Variants in CYP2B6 observed in about 807,000 individuals in gnomAD.
CYP2B6 encodes cytochrome P450 family 2 subfamily B member 6, also known as cytochrome P450 2B6.
CYP2B6 carries 35 observed loss-of-function variants against 43.4 expected under a neutral mutation model. That is an observed-to-expected ratio of 0.81 (90% CI 0.62 to 1.07). CYP2B6 has a LOEUF of 1.07. Among genes scored for constraint, CYP2B6 ranks in the 50% least tolerant of loss-of-function variants. CYP2B6 has a pLI of 0.00. For synonymous variants in CYP2B6, 239 were observed against 239.2 expected (o/e 1.00, Z 0.01); for missense variants, 624 against 632.8 (o/e 0.99, Z 0.15).
At chr19:41,009,838 AC>A in intron 5 of CYP2B6, 155 bp from the exon 6 acceptor site, 1 of 732,270 alleles carries the variant, frequency 1.4e-6, no homozygotes, top group Non-Finnish European at 2.4e-6. Flanking sequence ...AGTTAGAGAT[AC>A]GCGGTTGGAT....
At position 41,010,212 on chromosome 19, in the gene CYP2B6, T is replaced by C. The variant is rs1969259469; in HGVS notation, c.964+77T>C. 2.6e-6 allele frequency: 4 copies of C among 1,559,350 alleles called. No individual in the cohort carries two copies. The Admixed American group carries it at 5.0e-5, about 20-fold the overall frequency. Reference sequence around the variant, plus strand: ...CAGAAATGGGGCTATGGGTACCACCTGGATGAGAGAGGGGATGCTGGCTTC... The same window carrying C: ...CAGAAATGGGGCTATGGGTACCACCCGGATGAGAGAGGGGATGCTGGCTTC... On this transcript the variant is annotated intron_variant, in intron 6 of 8. Coordinates refer to ENST00000324071, the MANE Select transcript of CYP2B6 (RefSeq NM_000767.5).
chr19:41,004,583 G>GAT, intron 3 of CYP2B6, 137 bp downstream of exon 3: 1 of 980,978 alleles, frequency 1.0e-6, no homozygotes, highest in Non-Finnish European at 1.6e-6. Flanking sequence ...CAGACAGAGG[G>GAT]ATAGAGACAG....
Position 41,004,110 on chromosome 19 carries a change from C to A in CYP2B6, c.281C>A (p.Ala94Asp), listed in dbSNP as rs1456334362. Residue 94 changes from alanine (A) to aspartate (D), a missense_variant, in exon 2 of 9, where the codon GCC (alanine) becomes GAC (aspartate). Ala to Asp is a moderately radical substitution (Grantham distance 126, BLOSUM62 -2). Transcript: ENST00000324071. ...IREALVDKAE[A>D]FSGRGKIAMV... is the part of the protein sequence containing the mutation. ...GAGGCCCTTGTGGACAAGGCTGAGG[C>A]CTTCTCTGGCCGGGGAAAAATCGCC... 6.2e-7 allele frequency: 1 copy of A among 1,605,414 alleles called. No homozygotes were observed. The highest frequency in any genetic ancestry group is 1.1e-5 in the South Asian group (1 of 90,868).
chr19:41,004,266 A>G lies in CYP2B6; in HGVS notation c.335-31A>G, dbSNP rs202085737. 376 of 1,613,708 alleles carry G rather than the reference A, an allele frequency of 2.3e-4. No individual in the cohort carries two copies. In the African/African-American group the frequency reaches 4.1e-3, roughly 17 times the overall value. ...TCAGAGCCTTCTTCCAACTTCTTCT[A>G]CAACCAACCCACACCTCCCCTGCAC... On this transcript the variant is annotated intron_variant, in intron 2 of 8. Coordinates refer to ENST00000324071, the MANE Select transcript of CYP2B6 (RefSeq NM_000767.5).
At chr19:41,004,532 A>T in intron 3 of CYP2B6, 86 bp downstream of exon 3, 1 of 1,490,152 alleles carries the variant, frequency 6.7e-7, no homozygotes, top group Non-Finnish European at 9.2e-7. Flanking sequence ...AGAGAGGTAT[A>T]TAAGGGCACA....
chr19:41,016,784 G>A lies in CYP2B6; in HGVS notation c.1433G>A (p.Gly478Asp), dbSNP rs1969376104. The A allele has an allele frequency of 6.2e-7, 1 of 1,614,168 alleles. No individual in the cohort carries two copies. Among genetic ancestry groups the A allele is most frequent in the Non-Finnish European group, 8.5e-7 (1 of 1,180,030 alleles). The change falls in exon 9 of 9, where the codon GGC becomes GAC. Residue 478 changes from glycine (G) to aspartate (D), a missense_variant. Transcript: ENST00000324071. ...CTGACACCCCAGGAGTGTGGTGTGGGCAAAATACCCCCAACATACCAGATC... is the reference window on the plus strand; with the variant it reads ...CTGACACCCCAGGAGTGTGGTGTGGACAAAATACCCCCAACATACCAGATC... ...IDLTPQECGV[G>D]KIPPTYQIRF...
At chr19:41,015,428 A>C (rs1969346100) in intron 8 of CYP2B6, among the ~76,000 whole-genome samples, 1 of 152,222 alleles carries the variant, frequency 6.6e-6, no homozygotes, top group Non-Finnish European at 1.5e-5. Flanking sequence ...ACACTTGTCC[A>C]ACAACTTGAC....
intron 2 of CYP2B6, 31 bp from the exon 3 acceptor site, chr19:41,004,266 A>C: frequency 6.2e-7 from 1 of 1,613,780 alleles, no homozygotes. Flanking sequence ...AACTTCTTCT[A>C]CAACCAACCC....
At chr19:41,000,837 G>A (rs749855722) in intron 1 of CYP2B6, among the ~76,000 whole-genome samples, 4 of 151,968 alleles carry the variant, frequency 2.6e-5, no homozygotes, top group South Asian at 2.1e-4. Context: ...TCGGGAGTTC[G>A]AGACCAACCT....
At position 41,017,910 on chromosome 19, in the gene CYP2B6, A is replaced by G. The variant is rs145886420; in HGVS notation, c.*1083A>G. On this transcript the variant is annotated 3_prime_UTR_variant, in exon 9 of 9. Transcript: ENST00000324071. ...GCTCTGTCTCCCAGGCTGGAGTGCT[A>G]TGGTGCAATTTTTGTTCACTGCAAC... 202 of 145,238 alleles carry G rather than the reference A, an allele frequency of 1.4e-3. No individual in the cohort carries two copies. Among genetic ancestry groups the G allele is most frequent in the African/African-American group, 5.0e-3 (196 of 38,892 alleles). The allele number at this position is 145,238 out of a possible 1,614,324, so 9.0% of individuals were successfully genotyped here.
At chr19:41,004,644 AAC>A (rs1265352702) in intron 3 of CYP2B6, among the ~76,000 whole-genome samples, 198 bp downstream of exon 3, 1 of 151,948 alleles carries the variant, frequency 6.6e-6, no homozygotes, top group Non-Finnish European at 1.5e-5. Context: ...GCAGGAGAGA[AAC>A]ACAGAGAGCC....
chr19:41,010,251 A>G, intron 6 of CYP2B6, 116 bp downstream of exon 6: 1 of 1,286,698 alleles, frequency 7.8e-7, no homozygotes, highest in South Asian at 1.3e-5. Context: ...TTCTGGGAGC[A>G]CTGTAGGCTC....
rs757472041 is a variant in CYP2B6, at chr19:41,004,335, C to T, written c.373C>T (p.Arg125Trp). ...CAATGGAAACCGCTGGAAGGTGCTT[C>T]GGCGATTCTCTGTGACCACTATGAG... is the stretch of plus-strand genomic sequence containing the variant. ...FANGNRWKVL[R>W]RFSVTTMRDF... The change falls in exon 3 of 9, where the codon CGG becomes TGG. Residue 125 changes from arginine (R) to tryptophan (W), a missense_variant. Coordinates refer to ENST00000324071, the MANE Select transcript of CYP2B6 (RefSeq NM_000767.5). The T allele has an allele frequency of 1.4e-5, 23 of 1,613,796 alleles. No individual in the cohort carries two copies. The highest frequency in any genetic ancestry group is 1.6e-4 in the Middle Eastern group (1 of 6,072).
chr19:41,009,945 G>A (rs774630975), intron 5 of CYP2B6, 49 bp from the exon 6 acceptor site: 4 of 1,612,562 alleles, frequency 2.5e-6, no homozygotes, highest in Non-Finnish European at 2.5e-6. Context: ...TACACAGCAA[G>A]GCTACAGCCT....
chr19:40,996,444 T>C (rs139568824), intron 1 of CYP2B6, among the ~76,000 whole-genome samples: 3 of 152,282 alleles, frequency 2.0e-5, no homozygotes, highest in Non-Finnish European at 2.9e-5. Context: ...TCTTTGTGCA[T>C]AGAAATGCTT....
At chr19:41,010,482 T>G (rs1430638657) in intron 6 of CYP2B6, among the ~76,000 whole-genome samples, 1 of 151,642 alleles carries the variant, frequency 6.6e-6, no homozygotes, top group Admixed American at 6.6e-5. Flanking sequence ...GGCATGCTCT[T>G]GGCTTACTGC....
At position 41,000,426 on chromosome 19, in the gene CYP2B6, C is replaced by T. The variant is rs573452446; in HGVS notation, c.172-3575C>T. ...AAATGAAGGAGTCAGTGAGTGAAAG[C>T]TCCAAGCCTGACTCAGCGGAACTGG... On this transcript the variant is annotated intron_variant, in intron 1 of 8. Coordinates refer to ENST00000324071, the MANE Select transcript of CYP2B6 (RefSeq NM_000767.5). Among the ~76,000 whole-genome samples the T allele has an allele frequency of 2.6e-5, 4 of 152,252 alleles. No individual in the cohort carries two copies. The South Asian group carries it at 8.3e-4, about 32-fold the overall frequency.
chr19:41,009,370 A>T lies in CYP2B6; in HGVS notation c.797A>T (p.Asp266Val), dbSNP rs773494867. ...CCCAGCGCCCCCAAGGACCTCATCG[A>T]CACCTACCTGCTCCACATGGAAAAA... ...LDPSAPKDLIDTYLLHMEKEK... is the reference protein window; with the variant it reads ...LDPSAPKDLIVTYLLHMEKEK... Residue 266 changes from aspartate (D) to valine (V), a missense_variant, in exon 5 of 9, where the codon GAC becomes GTC. Transcript: ENST00000324071. The T allele has an allele frequency of 1.9e-6, 3 of 1,581,506 alleles. No individual in the cohort carries two copies. In the South Asian group the frequency reaches 3.4e-5, roughly 18 times the overall value.
At chr19:40,999,318 T>C (rs1294262669) in intron 1 of CYP2B6, among the ~76,000 whole-genome samples, 1 of 152,012 alleles carries the variant, frequency 6.6e-6, no homozygotes, top group Non-Finnish European at 1.5e-5. Flanking sequence ...ATTCTGGATA[T>C]TAGCCCTTTG....
Sources: gnomAD v4.1 joint callset for allele counts (sites outside exome capture counted in the v4.1 genomes callset) on GRCh38, gnomAD v4.1.1 for gene constraint, MANE v1.5 for transcripts, NCBI Gene and HGNC (gene_info 2026-07-23, HGNC 2026-07-21) for gene names.